RAB11FIP3: variants seen among roughly 807,000 people sequenced by gnomAD.
RAB11FIP3 encodes rab11 family-interacting protein 3.
RAB11FIP3 carries 17 observed loss-of-function variants against 77.8 expected under a neutral mutation model. The ratio of observed to expected loss-of-function variants is 0.22; its 90% CI spans 0.15 to 0.33. The LOEUF (loss-of-function observed/expected upper bound fraction) is 0.33, where lower values mean the gene tolerates loss of function less well. Among genes scored for constraint, RAB11FIP3 ranks in the 10% least tolerant of loss-of-function variants. The pLI is 1.00. For missense variants in RAB11FIP3, 1,005 were observed against 1,011.2 expected (o/e 0.99, Z 0.08); for synonymous variants, 437 against 448.2 (o/e 0.98, Z 0.31).
intron 9 of RAB11FIP3, among the ~76,000 whole-genome samples, chr16:517,676 C>A (rs945047833): frequency 2.0e-5 from 3 of 152,252 alleles, no homozygotes; most frequent in Non-Finnish European, 4.4e-5. Context: ...CCCAATGTGG[C>A]TCTGTGACTG....
At chr16:485,737 A>T (rs2056141665) in intron 4 of RAB11FIP3, among the ~76,000 whole-genome samples, 2 of 152,174 alleles carry the variant, frequency 1.3e-5, no homozygotes, top group South Asian at 4.1e-4. Context: ...ATTTTGCTAT[A>T]GTTGAGCTTA....
In RAB11FIP3 at chr16:514,677, G is replaced by C. The variant is rs765371615; in HGVS notation, c.1640+3877G>C. Among the ~76,000 whole-genome samples, 7 of 152,230 alleles carry C rather than the reference G, an allele frequency of 4.6e-5. No individual in the cohort carries two copies. Among genetic ancestry groups the C allele is most frequent in the Admixed American group, 1.3e-4 (2 of 15,284 alleles). ...GAATCTCAGGACACAGGGCCCGGGAGAGGTTCTAGGAAAGGCCAGGTACCT... is the reference window on the plus strand; with the variant it reads ...GAATCTCAGGACACAGGGCCCGGGACAGGTTCTAGGAAAGGCCAGGTACCT... On this transcript the variant is annotated intron_variant, in intron 9 of 13. Coordinates refer to ENST00000262305, the MANE Select transcript of RAB11FIP3 (RefSeq NM_014700.4). This position sits in a 1 kb window ranked among gnomAD's most constrained non-coding sequence, Gnocchi z 4.6.
At position 506,820 on chromosome 16, in the gene RAB11FIP3, T is replaced by C. The variant is rs2031898339; in HGVS notation, c.1499+1193T>C. On this transcript the variant is annotated intron_variant, in intron 8 of 13. Transcript: ENST00000262305. The surrounding 1 kb of genome is among the most constrained non-coding windows in gnomAD (Gnocchi z 4.5). Reference sequence around the variant, plus strand: ...GGATTCTCAGCAGAAGAGGGCCTGCTACCAGCCCCTGCTGCAGAGTGGAGA... The same window carrying C: ...GGATTCTCAGCAGAAGAGGGCCTGCCACCAGCCCCTGCTGCAGAGTGGAGA... Among the ~76,000 whole-genome samples the C allele has an allele frequency of 6.6e-6, 1 of 152,218 alleles. No homozygotes were observed. The highest frequency in any genetic ancestry group is 2.4e-5 in the African/African-American group (1 of 41,468).
At chr16:499,908 A>C (rs747358829) in intron 6 of RAB11FIP3, among the ~76,000 whole-genome samples, 8 of 152,106 alleles carry the variant, frequency 5.3e-5, no homozygotes, top group Admixed American at 3.9e-4. Context: ...TGTACACAAG[A>C]TTTAATCTGT....
Position 510,649 on chromosome 16 carries a change from T to C in RAB11FIP3, c.1500-11T>C. On this transcript the variant is annotated splice_polypyrimidine_tract_variant and intron_variant, in intron 8 of 13. Transcript: ENST00000262305. ...CTGGAGACAGCTCAGCTCCTCCCTT[T>C]GCCTTTCAAGAGCAAACGCCCTGGA... 1 of 1,592,608 alleles carries C rather than the reference T, an allele frequency of 6.3e-7. No individual in the cohort carries two copies. Among genetic ancestry groups the C allele is most frequent in the South Asian group, 1.1e-5 (1 of 88,280 alleles).
intron 2 of RAB11FIP3, among the ~76,000 whole-genome samples, chr16:462,694 G>C (rs1179803201): frequency 1.9e-5 from 2 of 106,652 alleles, no homozygotes; most frequent in East Asian, 5.0e-4. Flanking sequence ...CCCTTCCCCA[G>C]TCCCCCGGCA....
chr16:501,549 C>T (rs1343885231), intron 6 of RAB11FIP3, among the ~76,000 whole-genome samples: 1 of 131,402 alleles, frequency 7.6e-6, no homozygotes, highest in Non-Finnish European at 1.6e-5. Context: ...ATTTCACAGG[C>T]AAGGAAGCTG....
chr16:476,494 G>GT, intron 3 of RAB11FIP3, among the ~76,000 whole-genome samples: 1 of 152,192 alleles, frequency 6.6e-6, no homozygotes, highest in Admixed American at 6.5e-5. Flanking sequence ...TCCATGAGCT[G>GT]TTTGAGAGAA....
intron 4 of RAB11FIP3, among the ~76,000 whole-genome samples, chr16:487,854 T>TA (rs1204154597): frequency 2.0e-5 from 3 of 152,226 alleles, no homozygotes; most frequent in South Asian, 2.1e-4. Context: ...CAGCTGCTGT[T>TA]ACGTTTTAGC....
chr16:518,850 G>A (rs2032537359), intron 9 of RAB11FIP3, 93 bp from the exon 10 acceptor site: 12 of 1,308,854 alleles, frequency 9.2e-6, no homozygotes, highest in East Asian at 4.6e-5. Flanking sequence ...GTCACAGGGC[G>A]GCCCCAGCAG....
intron 5 of RAB11FIP3, among the ~76,000 whole-genome samples, chr16:489,831 G>A (rs2030012607): frequency 6.6e-6 from 1 of 152,170 alleles, no homozygotes; most frequent in Admixed American, 6.5e-5. Context: ...TTTCCCATGT[G>A]CCCTCCTTGA....
chr16:434,343 C>T (rs929218424), intron 1 of RAB11FIP3, among the ~76,000 whole-genome samples: 9 of 152,184 alleles, frequency 5.9e-5, no homozygotes, highest in Admixed American at 1.3e-4. Flanking sequence ...AGGCTGGTCT[C>T]GCGCTCCTGA....
chr16:448,612 T>C (rs1468716455), intron 1 of RAB11FIP3, among the ~76,000 whole-genome samples: 1 of 151,804 alleles, frequency 6.6e-6, no homozygotes, highest in Non-Finnish European at 1.5e-5. Flanking sequence ...GGCGGGCGCC[T>C]GTAGTCCCAG....
At chr16:473,156 C>T (rs140048465) in intron 3 of RAB11FIP3, among the ~76,000 whole-genome samples, 2 of 152,292 alleles carry the variant, frequency 1.3e-5, no homozygotes, top group Non-Finnish European at 2.9e-5. Context: ...CCTTGAGTGA[C>T]GTTACTCGAG....
Position 426,600 on chromosome 16 carries a change from G to T in RAB11FIP3, c.594G>T (p.Val198=). 6.3e-7 allele frequency: 1 copy of T among 1,598,096 alleles called. No individual in the cohort carries two copies. ...CCCACCCCCTTCCGAGCGAGCCCGT[G>T]GGGAGTCAGGAGGACGGCCCCCGCC... is the stretch of plus-strand genomic sequence containing the variant. ...SQTHPLPSEP[V]GSQEDGPRLR... The change falls in exon 1 of 14, where the codon GTG becomes GTT. Residue 198 remains valine (V), a synonymous_variant. Coordinates refer to ENST00000262305, the MANE Select transcript of RAB11FIP3 (RefSeq NM_014700.4). This position sits in a 1 kb window ranked among gnomAD's most constrained non-coding sequence, Gnocchi z 5.0.
rs149042491 is a variant in RAB11FIP3 at position 507,269 on chromosome 16, C to T, written c.1499+1642C>T. 7.4e-3 allele frequency among the ~76,000 whole-genome samples: 1,134 copies of T among 152,280 alleles called. 18 individuals carry two copies. Among genetic ancestry groups the T allele is most frequent in the African/African-American group, 0.026 (1,072 of 41,548 alleles). The stretch of plus-strand genomic sequence containing the variant: ...TGGGACTTGCAGGCATGCACCACCA[C>T]GCTGGGCTAATTTTTGTATTTTTAG... On this transcript the variant is annotated intron_variant, in intron 8 of 13. Transcript: ENST00000262305. This position sits in a 1 kb window ranked among gnomAD's most constrained non-coding sequence, Gnocchi z 4.6.
chr16:463,507 C>T (rs917216279), intron 2 of RAB11FIP3, among the ~76,000 whole-genome samples: 3 of 128,154 alleles, frequency 2.3e-5, no homozygotes, highest in Admixed American at 1.0e-4. Context: ...GGCATGATTT[C>T]GTCTCACTGC....
At chr16:519,215 G>C (rs2032558495) in intron 10 of RAB11FIP3, 191 bp downstream of exon 10, 9 of 615,860 alleles carry the variant, frequency 1.5e-5, no homozygotes, top group Non-Finnish European at 2.6e-5. Context: ...AGGGCCCAGA[G>C]GCTCACTCCT....
intron 5 of RAB11FIP3, among the ~76,000 whole-genome samples, chr16:496,605 G>A (rs2031155521): frequency 6.6e-6 from 1 of 152,248 alleles, no homozygotes. Flanking sequence ...TTTGGGGGCT[G>A]GAGTAACGAG....
Sources: allele counts gnomAD v4.1 joint callset (sites outside exome capture counted in the v4.1 genomes callset), GRCh38; gene constraint gnomAD v4.1.1; non-coding constraint Gnocchi (gnomAD v3.1); transcripts MANE v1.5; gene names NCBI Gene and HGNC (gene_info 2026-07-23, HGNC 2026-07-21).